Variants in OR4N2 observed in about 807,000 individuals in gnomAD.
OR4N2 encodes the protein olfactory receptor 4N2.
For synonymous variants in OR4N2, 141 were observed against 140.4 expected, an observed-to-expected ratio of 1.00 and a Z score of -0.03; for missense variants, 307 against 377.6, an observed-to-expected ratio of 0.81 and a Z score of 1.55.
At chr14:19,809,818 A>G (rs1457306656) in intron 1 of OR4N2, among the ~76,000 whole-genome samples, 1 of 152,250 alleles carries the variant, frequency 6.6e-6, no homozygotes, top group Non-Finnish European at 1.5e-5. Flanking sequence ...CTGAAATGTA[A>G]CCCCTTCTTA....
At chr14:19,820,984 A>T (rs1879551128) in intron 1 of OR4N2, among the ~76,000 whole-genome samples, 1 of 152,266 alleles carries the variant, frequency 6.6e-6, no homozygotes, top group African/African-American at 2.4e-5. Flanking sequence ...GTATGAAAAA[A>T]AACTCCTGCA....
intron 1 of OR4N2, among the ~76,000 whole-genome samples, chr14:19,819,167 GGTTGCTCTTCTCGGGGAGTATCTTT>G (rs1879500107): frequency 6.6e-6 from 1 of 151,994 alleles, no homozygotes; most frequent in African/African-American, 2.4e-5. Context: ...TGTTTCTTGG[GGTTGCTCTTCTCGGGGAGTATCTTT>G]GTGGTGTTCT....
At chr14:19,806,615 T>G (rs1304694536) in intron 1 of OR4N2, among the ~76,000 whole-genome samples, 1 of 152,154 alleles carries the variant, frequency 6.6e-6, no homozygotes, top group Non-Finnish European at 1.5e-5. Flanking sequence ...AATCCTACAA[T>G]AATACTGGGA....
At chr14:19,807,873 A>G (rs1242611160) in intron 1 of OR4N2, among the ~76,000 whole-genome samples, 2 of 152,182 alleles carry the variant, frequency 1.3e-5, no homozygotes, top group East Asian at 3.8e-4. Flanking sequence ...GCACATCAAA[A>G]AGTTAACGCA....
chr14:19,807,898 G>T (rs534825751), intron 1 of OR4N2, among the ~76,000 whole-genome samples: 173 of 152,242 alleles, frequency 1.1e-3, no homozygotes, highest in Middle Eastern at 6.8e-3. Flanking sequence ...GATCAAGTAG[G>T]TACTATTCCT....
chr14:19,805,998 A>C (rs1879155525), intron 1 of OR4N2, among the ~76,000 whole-genome samples: 1 of 152,206 alleles, frequency 6.6e-6, no homozygotes, highest in Non-Finnish European at 1.5e-5. Flanking sequence ...TGAAGGAAAA[A>C]TAAAATCCTT....
intron 1 of OR4N2, among the ~76,000 whole-genome samples, chr14:19,804,163 A>T (rs77727445): frequency 6.6e-6 from 1 of 152,130 alleles, no homozygotes; most frequent in Non-Finnish European, 1.5e-5. Context: ...TGGATTTGTT[A>T]ATCTTTTGTA....
chr14:19,817,278 C>CT (rs1233145681), intron 1 of OR4N2, among the ~76,000 whole-genome samples: 4 of 152,208 alleles, frequency 2.6e-5, no homozygotes, highest in African/African-American at 9.7e-5. Context: ...ACCAGCTCCT[C>CT]TTTGTACCTC....
At chr14:19,812,904 A>G (rs1410056609) in intron 1 of OR4N2, among the ~76,000 whole-genome samples, 2 of 152,282 alleles carry the variant, frequency 1.3e-5, no homozygotes, top group African/African-American at 2.4e-5. Flanking sequence ...TATTGAATAT[A>G]TACATGTCAA....
chr14:19,806,319 T>C (rs972432977), intron 1 of OR4N2, among the ~76,000 whole-genome samples: 3 of 150,446 alleles, frequency 2.0e-5, no homozygotes, highest in African/African-American at 7.3e-5. Context: ...GTCTGTTGTC[T>C]TGAAGAGACC....
In OR4N2 at chr14:19,827,564, T is replaced by A. The variant is rs534447276; in HGVS notation, c.116T>A (p.Leu39His). ...VLVLIFYFIILPGNFLIIFTI... is the reference protein window; with the variant it reads ...VLVLIFYFIIHPGNFLIIFTI... ...GTTTTAATATTCTACTTCATCATCC[T>A]CCCTGGAAATTTTCTCATTATTTTC... The change falls in exon 2 of 2, where the codon CTC becomes CAC. Residue 39 changes from leucine to histidine, a missense_variant. Leu to His is a moderately conservative substitution (Grantham distance 99). Transcript: ENST00000557677. 189 of 1,614,184 alleles carry A rather than the reference T, an allele frequency of 1.2e-4. 2 individuals carry two copies. The East Asian group carries it at 4.1e-3, about 35-fold the overall frequency.
chr14:19,814,534 T>C (rs1205529973), intron 1 of OR4N2, among the ~76,000 whole-genome samples: 1 of 152,248 alleles, frequency 6.6e-6, no homozygotes, highest in African/African-American at 2.4e-5. Flanking sequence ...TTTTAATCAA[T>C]ATTTTGAGAA....
intron 1 of OR4N2, among the ~76,000 whole-genome samples, chr14:19,818,706 G>C (rs1311115205): frequency 1.3e-5 from 2 of 152,046 alleles, no homozygotes; most frequent in Non-Finnish European, 2.9e-5. Context: ...TGTTATGTGT[G>C]AATTTGATCC....
chr14:19,812,857 T>G (rs1232673077), intron 1 of OR4N2, among the ~76,000 whole-genome samples: 1 of 152,232 alleles, frequency 6.6e-6, no homozygotes, highest in African/African-American at 2.4e-5. Context: ...AATGAATAAA[T>G]TCAGAGACAA....
Position 19,828,392 on chromosome 14 carries a change from A to AAG in OR4N2, c.*22_*23dup, listed in dbSNP as rs376433898. The AAG allele has an allele frequency of 0.05, 76,622 of 1,523,986 alleles. 508 individuals carry two copies. Among genetic ancestry groups the AAG allele is most frequent in the Non-Finnish European group, 0.056 (62,883 of 1,124,924 alleles). The allele number at this position is 1,523,986 out of a possible 1,614,324, so 94.4% of individuals were successfully genotyped here. ...GCCTGAAAAAGGGCGCAAAAAAAAA[A>AAG]AGAATAAAAATAGACTGTAGAATTT... On this transcript the variant is annotated 3_prime_UTR_variant, in exon 2 of 2. Coordinates refer to ENST00000557677, the MANE Select transcript of OR4N2 (RefSeq NM_001004723.3).
At chr14:19,822,120 G>A (rs190799143) in intron 1 of OR4N2, 38 of 152,388 alleles carry the variant, frequency 2.5e-4, no homozygotes, top group African/African-American at 8.7e-4. Context: ...AGCAGGAATA[G>A]CCACAGGCTA....
chr14:19,811,495 C>T lies in OR4N2; in HGVS notation c.-10+7651C>T, dbSNP rs1323895154. On this transcript the variant is annotated intron_variant, in intron 1 of 1. Coordinates refer to ENST00000557677, the MANE Select transcript of OR4N2 (RefSeq NM_001004723.3). ...TCTCCTGACCTCGTGATCCGCCCTC[C>T]TAGGCCCCCCAAAGTGCTGGGACTA... Among the ~76,000 whole-genome samples the T allele has an allele frequency of 2.0e-5, 3 of 152,320 alleles. 1 individual carries two copies. The East Asian group carries it at 5.8e-4, about 29-fold the overall frequency.
rs374981693 is a variant in OR4N2, at chr14:19,817,210, T to C, written c.-9-10230T>C. Among the ~76,000 whole-genome samples, 13 of 152,338 alleles carry C rather than the reference T, an allele frequency of 8.5e-5. No homozygotes were observed. The East Asian group carries it at 2.1e-3, about 25-fold the overall frequency. On this transcript the variant is annotated intron_variant, in intron 1 of 1. Coordinates refer to ENST00000557677, the MANE Select transcript of OR4N2 (RefSeq NM_001004723.3). ...TCAGGATGATGCTGGCCTCATAAAA[T>C]GAGTTAGGGAGGAGTCCCTCTTTTT...
intron 1 of OR4N2, among the ~76,000 whole-genome samples, chr14:19,825,759 C>T (rs1879681094): frequency 1.3e-5 from 2 of 152,006 alleles, no homozygotes; most frequent in South Asian, 2.1e-4. Flanking sequence ...AGGGTTTCAC[C>T]GTGTTAGCCA....
Sources: allele counts gnomAD v4.1 joint callset (sites outside exome capture counted in the v4.1 genomes callset), GRCh38; gene constraint gnomAD v4.1.1; transcripts MANE v1.5; gene names NCBI Gene and HGNC (gene_info 2026-07-23, HGNC 2026-07-21).